The following PRH1 variants were observed in gnomAD, a reference collection of about 807,000 sequenced individuals.
The protein encoded by PRH1 is proline rich protein HaeIII subfamily 1, also known as salivary acidic proline-rich phosphoprotein 1/2.
Under a neutral mutation model 7.9 loss-of-function variants are expected in PRH1, and 7 were observed. The observed-to-expected ratio is 0.89, with a 90% confidence interval of 0.50 to 1.67. PRH1 has a LOEUF of 1.67. Ranked by LOEUF, PRH1 falls within the 40% of genes most tolerant of loss-of-function variation. The pLI is 0.00. For synonymous variants in PRH1, 45 were observed against 80.8 expected (o/e 0.56, Z 2.38); for missense variants, 109 against 223.6 (o/e 0.49, Z 3.27).
chr12:11,086,199 G>A (rs78680945), intron 1 of PRH1, among the ~76,000 whole-genome samples: 8 of 136,480 alleles, frequency 5.9e-5, no homozygotes, highest in Middle Eastern at 3.4e-3. Flanking sequence ...GCTTTTCAGC[G>A]CATTTTCAAT....
chr12:11,005,486 A>G (rs1238739169), intron 1 of PRH1, among the ~76,000 whole-genome samples: 1 of 152,154 alleles, frequency 6.6e-6, no homozygotes. Context: ...TTTAAATGTC[A>G]GATTTATGTA....
intron 1 of PRH1, among the ~76,000 whole-genome samples, chr12:11,126,018 T>A (rs1447713281): frequency 8.7e-6 from 1 of 114,322 alleles, no homozygotes; most frequent in African/African-American, 3.2e-5. Flanking sequence ...TTATATTCAT[T>A]CATTTATTAT....
intron 2 of PRH1, among the ~76,000 whole-genome samples, chr12:10,891,006 T>C (rs558053335): frequency 9.9e-5 from 15 of 152,196 alleles, no homozygotes; most frequent in African/African-American, 3.1e-4. Flanking sequence ...AACAGGGCTA[T>C]ACTAATTTGA....
rs112485284 is a variant in PRH1 at position 10,913,851 on chromosome 12, C to A, written c.-58-29576G>T. The stretch of plus-strand genomic sequence containing the variant: ...AATAAACCATCTATCAGCCTGGATT[C>A]TTTTGTGACCACTATGAGCACAGGA... On this transcript the variant is annotated intron_variant, in intron 2 of 3. Coordinates refer to the PRH1 transcript ENST00000539853. Among the ~76,000 whole-genome samples the A allele has an allele frequency of 1.2e-4, 18 of 152,282 alleles. 1 individual carries two copies. Among genetic ancestry groups the A allele is most frequent in the African/African-American group, 3.8e-4 (16 of 41,572 alleles).
Position 11,020,363 on chromosome 12 carries a change from G to GATATATCTATATATATATATAT in PRH1, c.-126+26656_-126+26657insATATATATATATATAGATATAT, listed in dbSNP as rs1941545453. Among the ~76,000 whole-genome samples the GATATATCTATATATATATATAT allele has an allele frequency of 1.6e-3, 141 of 87,560 alleles. No individual in the cohort carries two copies. The Middle Eastern group carries it at 0.026, about 16-fold the overall frequency. 57.4% of individuals were successfully genotyped at this position (87,560 alleles called of 152,430 possible). Reference sequence around the variant, plus strand: ...GTACTAGGGAGGACGTATGATAAGCGATATATATATATATATATATATATA... The same window carrying GATATATCTATATATATATATAT: ...GTACTAGGGAGGACGTATGATAAGCGATATATCTATATATATATATATATATATATATATATATATATATATA... On this transcript the variant is annotated intron_variant, in intron 1 of 3. Transcript: ENST00000539853.
At chr12:10,893,715 T>G (rs1201140573) in intron 2 of PRH1, among the ~76,000 whole-genome samples, 2 of 152,204 alleles carry the variant, frequency 1.3e-5, no homozygotes, top group African/African-American at 4.8e-5. Context: ...TTCTATCGAT[T>G]ACCATATAAT....
chr12:11,089,332 G>A (rs1400460385), intron 1 of PRH1, among the ~76,000 whole-genome samples: 2 of 115,840 alleles, frequency 1.7e-5, no homozygotes, highest in Non-Finnish European at 2.0e-5. Context: ...AGAAATAGAA[G>A]ACTAATGACA....
chr12:11,030,732 G>A (rs771295835), intron 1 of PRH1: 9 of 1,614,196 alleles, frequency 5.6e-6, no homozygotes, highest in Admixed American at 3.3e-5. Context: ...TGTTTACACA[G>A]AGAACAGATT....
chr12:11,018,560 G>A (rs918057146), intron 1 of PRH1, among the ~76,000 whole-genome samples: 36 of 84,216 alleles, frequency 4.3e-4, no homozygotes, highest in Non-Finnish European at 9.7e-4. Flanking sequence ...TTCATGTAAA[G>A]TCTAATTAAC....
At chr12:11,009,025 C>T (rs1307263727) in intron 1 of PRH1, among the ~76,000 whole-genome samples, 1 of 132,438 alleles carries the variant, frequency 7.6e-6, no homozygotes, top group Non-Finnish European at 1.7e-5. Context: ...ACCTTTAGTC[C>T]AACAAGAAGA....
intron 1 of PRH1, among the ~76,000 whole-genome samples, chr12:11,113,923 G>A (rs922728144): frequency 6.6e-6 from 1 of 152,180 alleles, no homozygotes; most frequent in Non-Finnish European, 1.5e-5. Context: ...CATCATCACT[G>A]CTCATTAGAG....
chr12:11,012,536 T>C (rs1006826945), intron 1 of PRH1, among the ~76,000 whole-genome samples: 1 of 152,178 alleles, frequency 6.6e-6, no homozygotes, highest in South Asian at 2.1e-4. Context: ...TGTTACTTGA[T>C]ACTTAAAAGA....
intron 1 of PRH1, among the ~76,000 whole-genome samples, chr12:10,999,384 T>A (rs551474361): frequency 4.0e-4 from 61 of 152,254 alleles, no homozygotes; most frequent in Middle Eastern, 6.8e-3. Flanking sequence ...ATTTTGCAAC[T>A]AAAATAAGAA....
At chr12:10,883,619 G>T (rs1303979633) in intron 1 of PRH1, among the ~76,000 whole-genome samples, 1 of 152,124 alleles carries the variant, frequency 6.6e-6, no homozygotes, top group Non-Finnish European at 1.5e-5. Context: ...ATAATCTTAC[G>T]CATGCCATTC....
chr12:11,033,966 G>C (rs1942333600), intron 1 of PRH1, among the ~76,000 whole-genome samples: 1 of 151,216 alleles, frequency 6.6e-6, no homozygotes, highest in Non-Finnish European at 1.5e-5. Flanking sequence ...CACTTTCCAA[G>C]TCCCTAAACC....
At chr12:11,048,795 C>T (rs74062427), upstream of PRH1, 1,261 of 298,242 alleles carry the variant, frequency 4.2e-3, 17 homozygotes, top group African/African-American at 0.026. Context: ...ATTCTTTTGT[C>T]CACACACTCT....
At chr12:11,133,143 AT>A in intron 1 of PRH1, 1 of 1,011,948 alleles carries the variant, frequency 9.9e-7, no homozygotes, top group Non-Finnish European at 1.4e-6. Context: ...ACACACACAC[AT>A]CTATATATAT....
At chr12:10,996,949 T>C in intron 1 of PRH1, 4 of 1,601,360 alleles carry the variant, frequency 2.5e-6, no homozygotes, top group Middle Eastern at 1.7e-4. Flanking sequence ...TGTGAATCTA[T>C]GGAGTTGACT....
chr12:10,937,238 G>A (rs574851560), intron 2 of PRH1, among the ~76,000 whole-genome samples: 2 of 151,444 alleles, frequency 1.3e-5, no homozygotes, highest in Non-Finnish European at 2.9e-5. Flanking sequence ...CTCTCTGTGT[G>A]TGTGTGTGCG....
Sources: allele counts gnomAD v4.1 joint callset (sites outside exome capture counted in the v4.1 genomes callset), GRCh38; gene constraint gnomAD v4.1.1; transcripts MANE v1.5; gene names NCBI Gene and HGNC (gene_info 2026-07-23, HGNC 2026-07-21).